Variants in ESRRG observed in about 807,000 individuals in gnomAD.
The protein encoded by ESRRG is estrogen-related receptor gamma.
A neutral mutation model predicts 44.0 loss-of-function variants in ESRRG; 13 were observed. The ratio of observed to expected loss-of-function variants is 0.30; its 90% CI spans 0.19 to 0.47. ESRRG has a LOEUF of 0.47. Among genes scored for constraint, ESRRG ranks in the 20% least tolerant of loss-of-function variants. The pLI is 1.00. For synonymous variants in ESRRG, 215 were observed against 214.6 expected (o/e 1.00, Z -0.02); for missense variants, 395 against 580.6 (o/e 0.68, Z 3.29).
chr1:216,693,327 T>C (rs1451144817), intron 1 of ESRRG, among the ~76,000 whole-genome samples: 4 of 152,204 alleles, frequency 2.6e-5, no homozygotes, highest in Non-Finnish European at 4.4e-5. Context: ...GGATGGGGTC[T>C]TGCGATGTTG....
At chr1:217,080,671 G>GTTTTTTTTTTTTTTTTTTTT (rs34598045) in intron 1 of ESRRG, among the ~76,000 whole-genome samples, 1 of 65,246 alleles carries the variant, frequency 1.5e-5, no homozygotes, top group African/African-American at 6.2e-5. Flanking sequence ...TGTTTTTTTG[G>GTTTTTTTTTTTTTTTTTTTT]TTTTTTTTTT....
At chr1:216,647,943 C>G (rs1265572910) in intron 3 of ESRRG, among the ~76,000 whole-genome samples, 1 of 152,164 alleles carries the variant, frequency 6.6e-6, no homozygotes, top group African/African-American at 2.4e-5. Context: ...TAGATTTTGT[C>G]TGTCAATTTC....
At chr1:216,895,702 C>T (rs2058338930) in intron 2 of ESRRG, among the ~76,000 whole-genome samples, 1 of 152,130 alleles carries the variant, frequency 6.6e-6, no homozygotes, top group Non-Finnish European at 1.5e-5. Context: ...TATAGTCCGA[C>T]TGACCTGAAT....
intron 1 of ESRRG, among the ~76,000 whole-genome samples, chr1:217,123,931 TA>T (rs1337587870): frequency 2.6e-5 from 4 of 152,194 alleles, no homozygotes; most frequent in African/African-American, 9.7e-5. Flanking sequence ...TAATAATTTT[TA>T]AAAATACCCA....
intron 1 of ESRRG, among the ~76,000 whole-genome samples, chr1:217,112,889 A>C (rs1358342359): frequency 6.6e-6 from 1 of 152,206 alleles, no homozygotes; most frequent in Non-Finnish European, 1.5e-5. Flanking sequence ...CTGTGAATCA[A>C]GAGAATGTGT....
chr1:217,116,075 G>A (rs2092722612), intron 1 of ESRRG, among the ~76,000 whole-genome samples: 1 of 152,160 alleles, frequency 6.6e-6, no homozygotes, highest in Non-Finnish European at 1.5e-5. Context: ...AACAATAAAA[G>A]ATTTATTAGT....
chr1:216,731,060 C>T (rs2088671640), intron 2 of ESRRG, among the ~76,000 whole-genome samples: 1 of 152,112 alleles, frequency 6.6e-6, no homozygotes, highest in Non-Finnish European at 1.5e-5. Context: ...GTGACCCTTC[C>T]CAGGGTAACA....
At chr1:216,745,893 T>C (rs1402479566) in intron 2 of ESRRG, among the ~76,000 whole-genome samples, 1 of 152,212 alleles carries the variant, frequency 6.6e-6, no homozygotes, top group African/African-American at 2.4e-5. Flanking sequence ...TGTAAAAAAG[T>C]ATACAAATGT....
intron 2 of ESRRG, among the ~76,000 whole-genome samples, chr1:216,811,359 C>T (rs1169703178): frequency 6.6e-6 from 1 of 152,062 alleles, no homozygotes; most frequent in Non-Finnish European, 1.5e-5. Context: ...TGGCATAAAG[C>T]TCATACAAAC....
intron 1 of ESRRG, among the ~76,000 whole-genome samples, chr1:216,971,656 T>C (rs1234461558): frequency 6.6e-6 from 1 of 152,180 alleles, no homozygotes; most frequent in Non-Finnish European, 1.5e-5. Flanking sequence ...TTTGCAATGG[T>C]TTATTTTAAT....
At chr1:216,599,569 T>G (rs2058914709) in intron 3 of ESRRG, among the ~76,000 whole-genome samples, 1 of 152,228 alleles carries the variant, frequency 6.6e-6, no homozygotes, top group Non-Finnish European at 1.5e-5. Context: ...CTTAATAATG[T>G]TCACTCTAAC....
intron 3 of ESRRG, among the ~76,000 whole-genome samples, chr1:216,589,255 G>T (rs951164942): frequency 2.0e-5 from 3 of 152,170 alleles, no homozygotes; most frequent in African/African-American, 7.2e-5. Flanking sequence ...CGTAGAACAA[G>T]CTTATCCGAC....
intron 1 of ESRRG, among the ~76,000 whole-genome samples, chr1:216,973,210 G>A (rs918876402): frequency 3.3e-5 from 5 of 152,160 alleles, no homozygotes; most frequent in African/African-American, 1.2e-4. Flanking sequence ...CCTATAAATG[G>A]TTTTATCTCA....
chr1:216,778,457 ACACCACAGTATC>A (rs2093693166), intron 2 of ESRRG, among the ~76,000 whole-genome samples: 1 of 151,948 alleles, frequency 6.6e-6, no homozygotes, highest in Non-Finnish European at 1.5e-5. Flanking sequence ...TTTGAACAGC[ACACCACAGTATC>A]CACTACAGAA....
intron 1 of ESRRG, among the ~76,000 whole-genome samples, chr1:217,068,890 C>T (rs1388596412): frequency 6.6e-6 from 1 of 152,210 alleles, no homozygotes; most frequent in African/African-American, 2.4e-5. Flanking sequence ...CCCTCCACGT[C>T]CAGCATTTAA....
intron 1 of ESRRG, among the ~76,000 whole-genome samples, chr1:217,070,101 G>A (rs868168217): frequency 6.6e-6 from 1 of 152,078 alleles, no homozygotes; most frequent in Non-Finnish European, 1.5e-5. Flanking sequence ...CTGGGGCAAG[G>A]GTCCAGGAAG....
At chr1:216,671,083 G>C (rs1342353779) in intron 2 of ESRRG, among the ~76,000 whole-genome samples, 1 of 152,160 alleles carries the variant, frequency 6.6e-6, no homozygotes, top group Non-Finnish European at 1.5e-5. Flanking sequence ...GTTCAGAGTG[G>C]ACTTAGTTCC....
At chr1:216,574,741 A>G (rs2061402018) in intron 3 of ESRRG, among the ~76,000 whole-genome samples, 1 of 152,172 alleles carries the variant, frequency 6.6e-6, no homozygotes, top group Admixed American at 6.6e-5. Flanking sequence ...AATGAACACT[A>G]CAATAAGCAA....
At chr1:216,775,371 A>G (rs2093563401) in intron 2 of ESRRG, among the ~76,000 whole-genome samples, 1 of 151,836 alleles carries the variant, frequency 6.6e-6, no homozygotes, top group South Asian at 2.1e-4. Context: ...TCGACCATAT[A>G]ACAAGTGGCC....
Sources: allele counts gnomAD v4.1 joint callset (sites outside exome capture counted in the v4.1 genomes callset), GRCh38; gene constraint gnomAD v4.1.1; transcripts MANE v1.5; gene names NCBI Gene and HGNC (gene_info 2026-07-23, HGNC 2026-07-21).